The following CTSA variants were observed in gnomAD, a reference collection of about 807,000 sequenced individuals.
CTSA encodes lysosomal protective protein.
CTSA carries 42 observed loss-of-function variants against 66.7 expected under a neutral mutation model. The ratio of observed to expected loss-of-function variants is 0.63; its 90% confidence interval spans 0.49 to 0.81. CTSA has a LOEUF of 0.81. CTSA is among the 40% of genes least tolerant of loss of function. CTSA has a pLI of 0.00. For missense variants in CTSA, 525 were observed against 610.9 expected, an observed-to-expected ratio of 0.86 and a Z score of 1.48; for synonymous variants, 225 against 248.6, an observed-to-expected ratio of 0.91 and a Z score of 0.89.
Position 45,895,077 on chromosome 20 carries a change from G to T in CTSA, c.1032G>T (p.Pro344=). ...TTAASTYLNN[P]YVRKALNIPE... is the part of the protein sequence containing the mutation. ...CTGCTTCCACCTACCTCAACAACCC[G>T]TACGTGCGGAAGGCCCTCAACATCC... Residue 344 remains proline (P), a synonymous_variant, in exon 11 of 15, where the codon CCG becomes CCT. Transcript: ENST00000646241. 5 of 1,614,158 alleles carry T rather than the reference G, an allele frequency of 3.1e-6. No homozygotes were observed. The highest frequency in any genetic ancestry group is 4.2e-6 in the Non-Finnish European group (5 of 1,180,030).
intron 7 of CTSA, 27 bp downstream of exon 7, chr20:45,893,338 T>G: frequency 6.5e-7 from 1 of 1,548,644 alleles, no homozygotes; most frequent in Non-Finnish European, 8.9e-7. Context: ...TTGGGCAATC[T>G]CTGGGGTGAG....
chr20:45,892,621 C>T, intron 5 of CTSA, 104 bp from the exon 6 acceptor site: 1 of 1,536,644 alleles, frequency 6.5e-7, no homozygotes, highest in African/African-American at 1.4e-5. Flanking sequence ...CCAGTCACTT[C>T]CTCTTGCACA....
Sources: gnomAD v4.1 joint callset for allele counts on GRCh38, gnomAD v4.1.1 for gene constraint, MANE v1.5 for transcripts, NCBI Gene and HGNC (gene_info 2026-07-23, HGNC 2026-07-21) for gene names.